The following DIS3L2 variants were observed in gnomAD, a reference collection of about 807,000 sequenced individuals.
DIS3L2 encodes the protein DIS3-like exonuclease 2.
In DIS3L2, 34 loss-of-function variants were observed where a neutral mutation model predicts 97.5. The ratio of observed to expected loss-of-function variants is 0.35; its 90% confidence interval spans 0.27 to 0.46. The LOEUF (loss-of-function observed/expected upper bound fraction) is 0.46, where lower values mean the gene tolerates loss of function less well. Among genes scored for constraint, DIS3L2 ranks in the 20% least tolerant of loss-of-function variants. DIS3L2 has a pLI of 1.00. For missense variants in DIS3L2, 1,038 were observed against 1,146.0 expected, an observed-to-expected ratio of 0.91 and a Z score of 1.36; for synonymous variants, 435 against 445.2, an observed-to-expected ratio of 0.98 and a Z score of 0.29.
In DIS3L2 at chr2:232,111,810, C is replaced by T. The variant is rs1424135975; in HGVS notation, c.602-18809C>T. On this transcript the variant is annotated intron_variant, in intron 6 of 20. Coordinates refer to ENST00000325385, the MANE Select transcript of DIS3L2 (RefSeq NM_152383.5). ...TAAGTAGTTTCCTGATGGATATGAA[C>T]AAGGCAACACTTATTCCTTACTGCT... Among the ~76,000 whole-genome samples, 3 of 152,108 alleles carry T rather than the reference C, an allele frequency of 2.0e-5. No homozygotes were observed. In the East Asian group the frequency reaches 5.8e-4, roughly 29 times the overall value.
chr2:232,218,467 G>A (rs1574952509), intron 10 of DIS3L2, among the ~76,000 whole-genome samples: 1 of 151,718 alleles, frequency 6.6e-6, no homozygotes, highest in East Asian at 1.9e-4. Flanking sequence ...GAGGTTTCAG[G>A]CCGGGTGTGG....
At chr2:232,036,226 CT>C (rs1272465091) in intron 5 of DIS3L2, among the ~76,000 whole-genome samples, 3 of 152,132 alleles carry the variant, frequency 2.0e-5, no homozygotes, top group Non-Finnish European at 4.4e-5. Flanking sequence ...CCTTTTCATT[CT>C]TTTTTCTCTA....
At chr2:232,136,990 CAT>C (rs1698379119) in intron 8 of DIS3L2, among the ~76,000 whole-genome samples, 1 of 152,082 alleles carries the variant, frequency 6.6e-6, no homozygotes, top group Non-Finnish European at 1.5e-5. Context: ...TTAGTTATGT[CAT>C]GTGTCCTATT....
intron 5 of DIS3L2, among the ~76,000 whole-genome samples, chr2:232,053,663 A>G (rs1165495409): frequency 6.6e-6 from 1 of 152,202 alleles, no homozygotes; most frequent in Non-Finnish European, 1.5e-5. Context: ...GCATTGACTT[A>G]TGTTTACCAG....
At chr2:231,962,635 C>G (rs1692600198) in intron 1 of DIS3L2, among the ~76,000 whole-genome samples, 1 of 152,078 alleles carries the variant, frequency 6.6e-6, no homozygotes, top group Middle Eastern at 3.2e-3. Context: ...CGGGGTTTCA[C>G]CATGTTAGTC....
chr2:232,054,205 C>T (rs62197661), intron 5 of DIS3L2, among the ~76,000 whole-genome samples: 9,512 of 152,062 alleles, frequency 0.063, 415 homozygotes, highest in Non-Finnish European at 0.095. Context: ...TTCAGTGATG[C>T]GACAATTCAT....
At chr2:232,203,384 G>T (rs1156690939) in intron 9 of DIS3L2, among the ~76,000 whole-genome samples, 1 of 152,152 alleles carries the variant, frequency 6.6e-6, no homozygotes. Flanking sequence ...GAGAAAAGAA[G>T]ATGGGATGAA....
intron 10 of DIS3L2, among the ~76,000 whole-genome samples, chr2:232,219,640 G>T (rs1692439091): frequency 6.6e-6 from 1 of 152,054 alleles, no homozygotes; most frequent in South Asian, 2.1e-4. Flanking sequence ...TCATGCTGCT[G>T]TTACTTCAGC....
chr2:232,311,990 T>G (rs1365385502), intron 14 of DIS3L2, among the ~76,000 whole-genome samples: 1 of 152,252 alleles, frequency 6.6e-6, no homozygotes, highest in East Asian at 1.9e-4. Flanking sequence ...CATCTGTTTA[T>G]TGGCCATTCA....
At position 232,325,912 on chromosome 2, in the gene DIS3L2, C is replaced by T. The variant is rs565336406; in HGVS notation, c.1740-3901C>T. On this transcript the variant is annotated intron_variant, in intron 14 of 20. Transcript: ENST00000325385. This position sits in a 1 kb window ranked among gnomAD's most constrained non-coding sequence, Gnocchi z 4.6. ...TATGAGGCCAGGGCAGGGGGCAGGG[C>T]GCCCTCCCGTCCAGCAGCCCCAGTG... 2.2e-4 allele frequency among the ~76,000 whole-genome samples: 33 copies of T among 152,352 alleles called. No homozygotes were observed. Among genetic ancestry groups the T allele is most frequent in the African/African-American group, 7.9e-4 (33 of 41,586 alleles).
chr2:232,286,850 G>C (rs1411926666), intron 13 of DIS3L2, among the ~76,000 whole-genome samples: 4 of 152,060 alleles, frequency 2.6e-5, no homozygotes, highest in Non-Finnish European at 5.9e-5. Context: ...GCACAATCTT[G>C]GCTCACTGTA....
intron 13 of DIS3L2, among the ~76,000 whole-genome samples, chr2:232,298,707 A>G (rs1694782117): frequency 6.6e-6 from 1 of 152,222 alleles, no homozygotes; most frequent in Admixed American, 6.5e-5. Context: ...ATAATAATGT[A>G]TCCTCCTAAT....
intron 9 of DIS3L2, among the ~76,000 whole-genome samples, chr2:232,165,160 A>G (rs767307433): frequency 1.3e-5 from 2 of 152,252 alleles, no homozygotes; most frequent in African/African-American, 2.4e-5. Flanking sequence ...CCATTAATAA[A>G]GGAATGGTTT....
chr2:232,181,703 A>G (rs1363560650), intron 9 of DIS3L2, among the ~76,000 whole-genome samples: 3 of 151,836 alleles, frequency 2.0e-5, no homozygotes, highest in African/African-American at 7.3e-5. Context: ...CAGTGGTGCG[A>G]TCTCAGCTCA....
chr2:232,245,593 G>A (rs1372297785), intron 11 of DIS3L2, among the ~76,000 whole-genome samples: 6 of 152,246 alleles, frequency 3.9e-5, no homozygotes, highest in African/African-American at 7.2e-5. Context: ...TGAGAATTTC[G>A]TCTGAATTCT....
chr2:232,005,942 C>T (rs1694042237), intron 1 of DIS3L2, among the ~76,000 whole-genome samples: 2 of 152,332 alleles, frequency 1.3e-5, no homozygotes, highest in Middle Eastern at 3.4e-3. Flanking sequence ...AATCCCAGCA[C>T]TTTGAGGGGC....
chr2:232,330,606 T>A, intron 15 of DIS3L2, 84 bp from the exon 16 acceptor site: 1 of 1,387,256 alleles, frequency 7.2e-7, no homozygotes, highest in Non-Finnish European at 1.0e-6. Flanking sequence ...GAGCCGGGCA[T>A]GAGGTGCTCA....
intron 16 of DIS3L2, 81 bp from the exon 17 acceptor site, chr2:232,333,758 TG>T: frequency 8.6e-5 from 121 of 1,401,534 alleles, no homozygotes; most frequent in Admixed American, 5.4e-4. Context: ...CTGCCGACGG[TG>T]AGGCTGTGGG....
intron 14 of DIS3L2, among the ~76,000 whole-genome samples, chr2:232,301,835 CTTTTTTTT>C (rs557282669): frequency 1.2e-4 from 13 of 105,486 alleles, no homozygotes; most frequent in Non-Finnish European, 2.1e-4. Context: ...TAGCCTAGCT[CTTTTTTTT>C]TTTTTTTTTT....
Sources: allele counts gnomAD v4.1 joint callset (sites outside exome capture counted in the v4.1 genomes callset), GRCh38; gene constraint gnomAD v4.1.1; non-coding constraint Gnocchi (gnomAD v3.1); transcripts MANE v1.5; gene names NCBI Gene and HGNC (gene_info 2026-07-23, HGNC 2026-07-21).